The following GLYATL2 variants were observed in gnomAD, a reference collection of about 807,000 sequenced individuals.
The protein encoded by GLYATL2 is glycine-N-acyltransferase like 2.
A neutral mutation model predicts 21.4 loss-of-function variants in GLYATL2; 25 were observed. The ratio of observed to expected loss-of-function variants is 1.17; its 90% CI spans 0.85 to 1.63. GLYATL2 has a LOEUF of 1.63. GLYATL2 is among the 40% of genes most tolerant of loss of function. The pLI is 0.00. For synonymous variants in GLYATL2, 114 were observed against 118.2 expected (o/e 0.96, Z 0.23); for missense variants, 361 against 343.3 (o/e 1.05, Z -0.41).
intron 1 of GLYATL2, among the ~76,000 whole-genome samples, chr11:58,850,686 T>G (rs1853725348): frequency 6.6e-6 from 1 of 151,546 alleles, no homozygotes; most frequent in African/African-American, 2.4e-5. Flanking sequence ...GTGGACATGG[T>G]CTAGCGGTAG....
rs139550974 is a variant in GLYATL2 at position 58,885,893 on chromosome 11, A to G, written n.60+18263T>C. Among the ~76,000 whole-genome samples, 351 of 152,292 alleles carry G rather than the reference A, an allele frequency of 2.3e-3. 3 individuals are homozygous for G. Among genetic ancestry groups the G allele is most frequent in the African/African-American group, 7.1e-3 (295 of 41,580 alleles). Reference sequence around the variant, plus strand: ...ATATTAGAACAGTGGCTTAGAAACAAAAACCAAGGCAGATGTCTACCAGTA... The same window carrying G: ...ATATTAGAACAGTGGCTTAGAAACAGAAACCAAGGCAGATGTCTACCAGTA... On this transcript the variant is annotated intron_variant and non_coding_transcript_variant, in intron 1 of 4. Coordinates refer to the GLYATL2 transcript ENST00000533636.
At chr11:58,838,406 T>G in intron 2 of GLYATL2, 38 bp from the exon 3 acceptor site, 2 of 1,214,296 alleles carry the variant, frequency 1.6e-6, no homozygotes, top group Non-Finnish European at 2.4e-6. Flanking sequence ...AGGATGAAGT[T>G]CTTCTCCAAT....
chr11:58,884,157 G>A (rs1854393998), intron 1 of GLYATL2, among the ~76,000 whole-genome samples: 1 of 152,168 alleles, frequency 6.6e-6, no homozygotes, highest in South Asian at 2.1e-4. Context: ...ACTGGCACAA[G>A]ACATGGATGC....
chr11:58,837,399 T>C lies in GLYATL2; in HGVS notation c.187-2A>G. ...ATGATCCTGGTCATCTTTCATCTCCTGATATAACAAATATCAATTATATTT... is the reference window on the plus strand; with the variant it reads ...ATGATCCTGGTCATCTTTCATCTCCCGATATAACAAATATCAATTATATTT... On this transcript the variant is annotated splice_acceptor_variant, in intron 3 of 5. Coordinates refer to ENST00000287275, the MANE Select transcript of GLYATL2 (RefSeq NM_145016.4). LOFTEE classifies it high-confidence loss of function. The C allele has an allele frequency of 6.2e-7, 1 of 1,611,688 alleles. No individual in the cohort carries two copies. The highest frequency in any genetic ancestry group is 8.5e-7 in the Non-Finnish European group (1 of 1,178,072).
chr11:58,878,637 G>A (rs1210213542), intron 1 of GLYATL2, among the ~76,000 whole-genome samples: 1 of 152,152 alleles, frequency 6.6e-6, no homozygotes, highest in Admixed American at 6.5e-5. Context: ...AAAATTCACA[G>A]GGATTTTGGT....
intron 1 of GLYATL2, among the ~76,000 whole-genome samples, chr11:58,881,754 C>G (rs1012620825): frequency 6.6e-5 from 10 of 152,144 alleles, no homozygotes; most frequent in Admixed American, 2.0e-4. Flanking sequence ...CACCCCACGA[C>G]AGGCCCCAGT....
rs902606964 is a variant in GLYATL2 at position 58,871,902 on chromosome 11, G to A, written n.60+32254C>T. Among the ~76,000 whole-genome samples, 142 of 152,160 alleles carry A rather than the reference G, an allele frequency of 9.3e-4. 2 individuals are homozygous for A. Among genetic ancestry groups the A allele is most frequent in the Middle Eastern group, 6.8e-3 (2 of 294 alleles). Reference sequence around the variant, plus strand: ...TGAACTAGTTGACAGTCCCACCAGCGGTGTAAAAGTGTTCCTATTTCTCCA... The same window carrying A: ...TGAACTAGTTGACAGTCCCACCAGCAGTGTAAAAGTGTTCCTATTTCTCCA... On this transcript the variant is annotated intron_variant and non_coding_transcript_variant, in intron 1 of 4. Transcript: ENST00000533636.
At chr11:58,841,796 G>A (rs901606162) in intron 1 of GLYATL2, among the ~76,000 whole-genome samples, 4 of 152,180 alleles carry the variant, frequency 2.6e-5, no homozygotes, top group Non-Finnish European at 4.4e-5. Context: ...AGGAAAGAGC[G>A]ACCAAAGCAG....
At chr11:58,859,084 C>T (rs1388216264) in intron 1 of GLYATL2, among the ~76,000 whole-genome samples, 4 of 152,158 alleles carry the variant, frequency 2.6e-5, no homozygotes, top group Non-Finnish European at 2.9e-5. Context: ...CTCTCACTCA[C>T]ACCTGTAGTC....
intron 1 of GLYATL2, among the ~76,000 whole-genome samples, chr11:58,854,551 G>T (rs1015602276): frequency 4.7e-4 from 71 of 152,328 alleles, no homozygotes; most frequent in Non-Finnish European, 7.4e-4. Flanking sequence ...GCTGGTGCAA[G>T]GTCTTATTTT....
Position 58,838,711 on chromosome 11 carries a change from T to C in GLYATL2, c.79-343A>G, listed in dbSNP as rs571799572. ...GCATCTATTATGTATCAGGTCTGTCTTAAGCATGAAAAACTCAAAGGTGAA... is the reference window on the plus strand; with the variant it reads ...GCATCTATTATGTATCAGGTCTGTCCTAAGCATGAAAAACTCAAAGGTGAA... On this transcript the variant is annotated intron_variant, in intron 2 of 5. Transcript: ENST00000287275. 2.0e-5 allele frequency among the ~76,000 whole-genome samples: 3 copies of C among 152,288 alleles called. No homozygotes were observed. In the East Asian group the frequency reaches 5.8e-4, roughly 29 times the overall value.
chr11:58,876,701 TG>T (rs1197777157), intron 1 of GLYATL2, among the ~76,000 whole-genome samples: 2 of 152,192 alleles, frequency 1.3e-5, no homozygotes, highest in Admixed American at 1.3e-4. Context: ...CCGCCCCTAC[TG>T]GGGGGTGCCT....
intron 1 of GLYATL2, among the ~76,000 whole-genome samples, chr11:58,861,666 T>C (rs617023): frequency 0.89 from 134,444 of 151,580 alleles, 60,782 homozygotes; most frequent in Non-Finnish European, 0.98. Context: ...GTTTAAGATC[T>C]TTCTTTTTTT....
chr11:58,860,036 GAAGTTA>G (rs1313673527), intron 1 of GLYATL2, among the ~76,000 whole-genome samples: 1 of 152,096 alleles, frequency 6.6e-6, no homozygotes, highest in Non-Finnish European at 1.5e-5. Flanking sequence ...AGTACATTTT[GAAGTTA>G]GGTAGTGTGA....
At chr11:58,886,010 T>G (rs1308198385) in intron 1 of GLYATL2, among the ~76,000 whole-genome samples, 1 of 152,040 alleles carries the variant, frequency 6.6e-6, no homozygotes, top group Non-Finnish European at 1.5e-5. Flanking sequence ...AGTCCAGGAG[T>G]TTGAGACCAG....
intron 1 of GLYATL2, among the ~76,000 whole-genome samples, chr11:58,866,283 T>C (rs1854022240): frequency 6.7e-6 from 1 of 149,046 alleles, no homozygotes; most frequent in Non-Finnish European, 1.5e-5. Flanking sequence ...TCCATTTAAT[T>C]GGTGCTATCT....
chr11:58,836,111 C>A, intron 5 of GLYATL2, among the ~76,000 whole-genome samples: 1 of 152,166 alleles, frequency 6.6e-6, no homozygotes, highest in East Asian at 1.9e-4. Context: ...GAAGCAACCA[C>A]TAATGCCAAC....
At chr11:58,882,654 C>T (rs1429223317) in intron 1 of GLYATL2, among the ~76,000 whole-genome samples, 1 of 152,160 alleles carries the variant, frequency 6.6e-6, no homozygotes, top group Non-Finnish European at 1.5e-5. Context: ...GAAGTCCTTG[C>T]CCATGCCGAT....
intron 1 of GLYATL2, among the ~76,000 whole-genome samples, chr11:58,850,702 G>A (rs535234): frequency 0.89 from 134,780 of 151,882 alleles, 60,956 homozygotes; most frequent in Non-Finnish European, 0.98. Flanking sequence ...GGTAGCATCA[G>A]TGCCAAGGAA....
Sources: allele counts gnomAD v4.1 joint callset (sites outside exome capture counted in the v4.1 genomes callset), GRCh38; gene constraint gnomAD v4.1.1; transcripts MANE v1.5; gene names NCBI Gene and HGNC (gene_info 2026-07-23, HGNC 2026-07-21).